The following OTUD7B variants were observed in gnomAD, a reference collection of about 807,000 sequenced individuals.
The protein encoded by OTUD7B is OTU deubiquitinase 7B.
OTUD7B carries 34 observed loss-of-function variants against 82.2 expected under a neutral mutation model. The observed-to-expected ratio is 0.41, with a 90% CI of 0.31 to 0.55. OTUD7B has a LOEUF of 0.55. Among genes scored for constraint, OTUD7B ranks in the 20% least tolerant of loss-of-function variants. The pLI is 0.20. For synonymous variants in OTUD7B, 398 were observed against 402.7 expected (o/e 0.99, Z 0.14); for missense variants, 944 against 1,062.1 (o/e 0.89, Z 1.55).
chr1:149,952,321 T>C (rs1386254070), intron 7 of OTUD7B, among the ~76,000 whole-genome samples: 2 of 151,950 alleles, frequency 1.3e-5, no homozygotes, highest in East Asian at 1.9e-4. Context: ...GTCCTTGCGA[T>C]AGTTTGCTCA....
At chr1:149,987,915 A>G (rs1651264779) in intron 1 of OTUD7B, among the ~76,000 whole-genome samples, 3 of 152,136 alleles carry the variant, frequency 2.0e-5, no homozygotes, top group Admixed American at 2.0e-4. Flanking sequence ...ATTCATTCCC[A>G]AATCTCCAGG....
chr1:150,014,084 G>GTGTGTGTATA (rs1336267152), upstream of OTUD7B, among the ~76,000 whole-genome samples: 6 of 30,398 alleles, frequency 2.0e-4, no homozygotes, highest in South Asian at 2.8e-3. Flanking sequence ...GTGTGTGTGT[G>GTGTGTGTATA]TATATATATA....
chr1:149,960,535 C>G (rs1392671892), intron 6 of OTUD7B, among the ~76,000 whole-genome samples: 3 of 151,274 alleles, frequency 2.0e-5, no homozygotes, highest in South Asian at 4.2e-4. Flanking sequence ...CAGCACCCAC[C>G]ACCAGGCCCA....
chr1:149,982,096 C>A (rs956956007), intron 1 of OTUD7B, among the ~76,000 whole-genome samples: 55 of 152,160 alleles, frequency 3.6e-4, no homozygotes, highest in African/African-American at 1.3e-3. Flanking sequence ...TTGCAGTGAG[C>A]CGAGATCGCG....
chr1:149,985,358 G>A (rs1318511962), intron 1 of OTUD7B, among the ~76,000 whole-genome samples: 3 of 152,014 alleles, frequency 2.0e-5, no homozygotes, highest in East Asian at 3.9e-4. Flanking sequence ...AGTGAGCCAG[G>A]ATCATGCGAC....
intron 2 of OTUD7B, among the ~76,000 whole-genome samples, chr1:149,973,858 ATTTTTT>A (rs1220689600): frequency 7.5e-6 from 1 of 132,782 alleles, no homozygotes; most frequent in African/African-American, 2.8e-5. Flanking sequence ...GCCCCTTCTA[ATTTTTT>A]TTTTTTTTTT....
At chr1:150,045,722 T>C in the OTUD7B span, among the ~76,000 whole-genome samples, 1 of 152,180 alleles carries the variant, frequency 6.6e-6, no homozygotes, top group Non-Finnish European at 1.5e-5. Context: ...AACAAACTAA[T>C]TATATATTTT....
chr1:150,001,927 C>T (rs1479661712), intron 1 of OTUD7B, among the ~76,000 whole-genome samples: 2 of 152,198 alleles, frequency 1.3e-5, no homozygotes, highest in African/African-American at 4.8e-5. Flanking sequence ...TTAGAGGATG[C>T]CCTCTACCCT....
chr1:149,964,908 T>G (rs1330957397), intron 5 of OTUD7B, among the ~76,000 whole-genome samples: 124,706 of 139,970 alleles, frequency 0.89, 54,892 homozygotes, highest in East Asian at 1. Context: ...TTTTTTTTTG[T>G]AGACAGAGTC....
At chr1:149,972,529 C>T (rs1650010189) in intron 2 of OTUD7B, among the ~76,000 whole-genome samples, 1 of 152,218 alleles carries the variant, frequency 6.6e-6, no homozygotes, top group South Asian at 2.1e-4. Flanking sequence ...CCTACCCTGA[C>T]TTAAAAATCA....
chr1:150,058,305 G>A, the OTUD7B span, among the ~76,000 whole-genome samples: 67 of 152,174 alleles, frequency 4.4e-4, 1 homozygote, highest in Non-Finnish European at 7.4e-4. Flanking sequence ...CCAGGAGTTC[G>A]AGATCAGCCT....
intron 6 of OTUD7B, 182 bp downstream of exon 6, chr1:149,964,040 C>T (rs782506340): frequency 2.1e-5 from 13 of 626,506 alleles, no homozygotes; most frequent in Non-Finnish European, 3.6e-5. Flanking sequence ...CACCAGTTCT[C>T]ATGACCACAT....
At chr1:149,945,886 C>A (rs140322913) in intron 11 of OTUD7B, among the ~76,000 whole-genome samples, 1 of 151,426 alleles carries the variant, frequency 6.6e-6, no homozygotes, top group African/African-American at 2.4e-5. Flanking sequence ...CATGGAGAAA[C>A]CCCATCTCTA....
chr1:150,008,949 C>T (rs186593368), intron 1 of OTUD7B, among the ~76,000 whole-genome samples: 2 of 152,204 alleles, frequency 1.3e-5, no homozygotes, highest in East Asian at 1.9e-4. Context: ...GAAATTAGAA[C>T]GGTCGGGGGT....
chr1:150,034,175 A>T, the OTUD7B span, among the ~76,000 whole-genome samples: 1 of 152,216 alleles, frequency 6.6e-6, no homozygotes, highest in Non-Finnish European at 1.5e-5. Flanking sequence ...CTAAGCAGTT[A>T]TTACTAATAA....
the OTUD7B span, among the ~76,000 whole-genome samples, chr1:150,029,676 G>A: frequency 6.6e-6 from 1 of 152,174 alleles, no homozygotes; most frequent in East Asian, 1.9e-4. Flanking sequence ...TTTGGTGGTT[G>A]CATTCTCTTG....
chr1:149,959,839 G>A (rs201635654), intron 6 of OTUD7B, 43 bp from the exon 7 acceptor site: 244 of 1,321,448 alleles, frequency 1.8e-4, no homozygotes, highest in Non-Finnish European at 2.6e-5. Context: ...ATTAGAGGCT[G>A]GGTTCTAAGA....
chr1:149,994,121 G>A (rs587751419), intron 1 of OTUD7B, among the ~76,000 whole-genome samples: 1 of 152,248 alleles, frequency 6.6e-6, no homozygotes, highest in African/African-American at 2.4e-5. Context: ...CTAAGAGTGA[G>A]TCCTATCCCA....
the OTUD7B span, among the ~76,000 whole-genome samples, chr1:150,041,318 G>T: frequency 6.6e-6 from 1 of 151,888 alleles, no homozygotes; most frequent in African/African-American, 2.4e-5. Flanking sequence ...TCATTCCAAT[G>T]CTTTGTTGTT....
Sources: allele counts gnomAD v4.1 joint callset (sites outside exome capture counted in the v4.1 genomes callset), GRCh38; gene constraint gnomAD v4.1.1; transcripts MANE v1.5; gene names NCBI Gene and HGNC (gene_info 2026-07-23, HGNC 2026-07-21).